GALNT12: variants seen among roughly 807,000 people sequenced by gnomAD.
GALNT12 encodes UDP-GalNAc:polypeptide N-acetylgalactosaminyltransferase 12.
GALNT12 carries 45 observed loss-of-function variants against 55.5 expected under a neutral mutation model. The ratio of observed to expected loss-of-function variants is 0.81; its 90% CI spans 0.64 to 1.04. The LOEUF (loss-of-function observed/expected upper bound fraction) is 1.04. GALNT12 is among the 50% of genes least tolerant of loss of function. GALNT12 has a pLI of 0.00. For missense variants in GALNT12, 709 were observed against 754.8 expected (o/e 0.94, Z 0.71); for synonymous variants, 304 against 312.2 (o/e 0.97, Z 0.28).
At chr9:98,814,815 G>A (rs1835575970) in intron 1 of GALNT12, among the ~76,000 whole-genome samples, 1 of 152,188 alleles carries the variant, frequency 6.6e-6, no homozygotes, top group Non-Finnish European at 1.5e-5. Context: ...TTGTTAGGAA[G>A]GCTACATGAA....
At chr9:98,826,730 G>A (rs921768155) in intron 2 of GALNT12, 22 bp from the exon 3 acceptor site, 1 of 1,607,516 alleles carries the variant, frequency 6.2e-7, no homozygotes. Flanking sequence ...GGTGACCCCT[G>A]TTGCTTTGTT....
chr9:98,849,425 G>A lies in GALNT12; in HGVS notation c.*333G>A. 1 of 527,226 alleles carries A rather than the reference G, an allele frequency of 1.9e-6. No individual in the cohort carries two copies. The highest frequency in any genetic ancestry group is 3.3e-6 in the Non-Finnish European group (1 of 302,486). The allele number at this position is 527,226 out of a possible 1,614,324, so 32.7% of individuals were successfully genotyped here. ...ACAGTCGTGCCTTTTACTCTCATTA[G>A]CAAAAAAGATAAAGATTTTATTTTG... On this transcript the variant is annotated 3_prime_UTR_variant, in exon 10 of 10. Coordinates refer to ENST00000375011, the MANE Select transcript of GALNT12 (RefSeq NM_024642.5).
chr9:98,838,018 G>T (rs114610005), intron 6 of GALNT12, among the ~76,000 whole-genome samples: 2,266 of 152,260 alleles, frequency 0.015, 48 homozygotes, highest in African/African-American at 0.053. Context: ...CATGTGTTTT[G>T]GTTTTCCTCT....
chr9:98,845,483 C>T (rs760249342), intron 8 of GALNT12, among the ~76,000 whole-genome samples: 13 of 152,118 alleles, frequency 8.5e-5, no homozygotes, highest in Non-Finnish European at 1.5e-4. Flanking sequence ...AAACCATTGT[C>T]CGGGAAGAAC....
chr9:98,816,064 C>G (rs1835603989), intron 1 of GALNT12, among the ~76,000 whole-genome samples: 1 of 152,110 alleles, frequency 6.6e-6, no homozygotes, highest in South Asian at 2.1e-4. Flanking sequence ...CCATGATTTC[C>G]TCATGCAGCC....
intron 6 of GALNT12, among the ~76,000 whole-genome samples, chr9:98,839,409 T>C (rs1836235017): frequency 6.6e-6 from 1 of 152,266 alleles, no homozygotes; most frequent in Non-Finnish European, 1.5e-5. Context: ...ACATTTGCGA[T>C]ACTAAATAGA....
rs1836511877 is a variant in GALNT12, at chr9:98,849,914, C to T, written c.*822C>T. On this transcript the variant is annotated 3_prime_UTR_variant, in exon 10 of 10. Transcript: ENST00000375011. ...ATGAAATTCCTTTTTCAAGTTTGTT[C>T]ATTAATAACAGTTATTAATTTAAAT... The T allele has an allele frequency of 4.0e-6, 1 of 250,262 alleles. No homozygotes were observed. The highest frequency in any genetic ancestry group is 5.5e-5 in the Admixed American group (1 of 18,198). The allele number at this position is 250,262 out of a possible 1,614,324, so 15.5% of individuals were successfully genotyped here. A position where few individuals can be genotyped will look rare whatever the true frequency, so the allele number is the denominator to read the frequency against.
chr9:98,836,928 CA>C, intron 5 of GALNT12, 43 bp from the exon 6 acceptor site: 1 of 1,600,308 alleles, frequency 6.2e-7, no homozygotes, highest in Non-Finnish European at 8.5e-7. Context: ...ACCCGCAGCT[CA>C]TCCCCTGCTC....
chr9:98,831,791 G>T lies in GALNT12; in HGVS notation c.751G>T (p.Ala251Ser). The change falls in exon 4 of 10, where the codon GCA (alanine) becomes TCA (serine). Residue 251 changes from alanine (A) to serine (S), a missense_variant. This residue lies in a region of GALNT12 where 315 missense variants were observed against 288.6 expected (regional missense o/e 1.09). Transcript: ENST00000375011. ...TTTCAGGATCCATGAAGAGGAGTCG[G>T]CAGTGGTGTGCCCGGTGATTGATGT... ...LLQRIHEEES[A>S]VVCPVIDVID... is the part of the protein sequence containing the mutation. 6.2e-7 allele frequency: 1 copy of T among 1,614,214 alleles called. No individual in the cohort carries two copies. The highest frequency in any genetic ancestry group is 2.2e-5 in the East Asian group (1 of 44,878).
At chr9:98,811,808 G>T (rs1284636490) in intron 1 of GALNT12, among the ~76,000 whole-genome samples, 4 of 150,048 alleles carry the variant, frequency 2.7e-5, no homozygotes, top group Non-Finnish European at 5.9e-5. Flanking sequence ...TCAGCCTCCC[G>T]AGTAGCTGGG....
rs144383361 is a variant in GALNT12, at chr9:98,827,031, C to T, written c.731+90C>T. The T allele has an allele frequency of 1.2e-3, 1,669 of 1,395,040 alleles. 12 individuals carry two copies. The African/African-American group carries it at 0.013, about 11-fold the overall frequency. 86.4% of individuals were successfully genotyped at this position (1,395,040 alleles called of 1,614,324 possible). On this transcript the variant is annotated intron_variant, in intron 3 of 9. Coordinates refer to ENST00000375011, the MANE Select transcript of GALNT12 (RefSeq NM_024642.5). Reference sequence around the variant, plus strand: ...ACTCATCACGTCACTTGAGGGTTAACGGGTTGCCTGGGCTCAGCTGCTTCT... The same window carrying T: ...ACTCATCACGTCACTTGAGGGTTAATGGGTTGCCTGGGCTCAGCTGCTTCT...
chr9:98,813,995 A>G (rs1231725812), intron 1 of GALNT12, among the ~76,000 whole-genome samples: 2 of 152,204 alleles, frequency 1.3e-5, no homozygotes, highest in Non-Finnish European at 2.9e-5. Flanking sequence ...AACTGCCTTA[A>G]ATATAAAAGA....
chr9:98,810,285 A>G (rs1398153810), intron 1 of GALNT12, among the ~76,000 whole-genome samples: 2 of 152,084 alleles, frequency 1.3e-5, no homozygotes, highest in Non-Finnish European at 2.9e-5. Flanking sequence ...GCCCTGAGGG[A>G]GGAGCATCTA....
intron 3 of GALNT12, 68 bp downstream of exon 3, chr9:98,827,009 C>T (rs984607784): frequency 1.1e-4 from 158 of 1,492,868 alleles, no homozygotes; most frequent in Non-Finnish European, 1.3e-4. Flanking sequence ...GGAACAGACT[C>T]ATCACGTCAC....
In GALNT12 at chr9:98,846,265, A is replaced by G. The variant is rs1264523589; in HGVS notation, c.1605+142A>G. On this transcript the variant is annotated intron_variant, in intron 9 of 9. Transcript: ENST00000375011. ...TGGACAGGAGCTCTGGAAGACCTGGAACCTCAGTCCCAGTGAGCCTGGGGG... is the reference window on the plus strand; with the variant it reads ...TGGACAGGAGCTCTGGAAGACCTGGGACCTCAGTCCCAGTGAGCCTGGGGG... 4 of 1,112,806 alleles carry G rather than the reference A, an allele frequency of 3.6e-6. No individual in the cohort carries two copies. In the East Asian group the frequency reaches 7.2e-5, roughly 20 times the overall value. 68.9% of individuals were successfully genotyped at this position (1,112,806 alleles called of 1,614,324 possible).
intron 5 of GALNT12, among the ~76,000 whole-genome samples, chr9:98,836,341 A>G (rs1034504403): frequency 2.0e-5 from 3 of 152,216 alleles, no homozygotes; most frequent in African/African-American, 7.2e-5. Context: ...TGCCCTCATA[A>G]AAACTGAATA....
At position 98,807,712 on chromosome 9, in the gene GALNT12, C is replaced by T. The variant is rs2118254771; in HGVS notation, c.14C>T (p.Thr5Met). The T allele has an allele frequency of 1.7e-6, 2 of 1,157,418 alleles. No homozygotes were observed. Among genetic ancestry groups the T allele is most frequent in the Non-Finnish European group, 1.1e-6 (1 of 941,292 alleles). 71.7% of individuals were successfully genotyped at this position (1,157,418 alleles called of 1,614,324 possible). A position where few individuals can be genotyped will look rare whatever the true frequency, so the allele number is the denominator to read the frequency against. MWGR[T>M]ARRRCPRELR... ...GTTGGCGGGCGCATGTGGGGGCGCA[C>T]GGCGCGGCGGCGCTGCCCGCGGGAA... Residue 5 changes from threonine to methionine, a missense_variant, in exon 1 of 10, where the codon ACG becomes ATG. Around this residue, in one of 5 missense-constraint regions of GALNT12, gnomAD observed 110 missense variants for 102.2 expected, o/e 1.08. Transcript: ENST00000375011.
At chr9:98,827,041 G>A in intron 3 of GALNT12, 100 bp downstream of exon 3, 1 of 1,245,922 alleles carries the variant, frequency 8.0e-7, no homozygotes, top group Non-Finnish European at 1.1e-6. Flanking sequence ...CGGGTTGCCT[G>A]GGCTCAGCTG....
At chr9:98,810,871 A>G (rs1387077213) in intron 1 of GALNT12, among the ~76,000 whole-genome samples, 1 of 152,154 alleles carries the variant, frequency 6.6e-6, no homozygotes, top group African/African-American at 2.4e-5. Flanking sequence ...GCATGGTAAC[A>G]TAGTAAGTAT....
Sources: gnomAD v4.1 joint callset for allele counts (sites outside exome capture counted in the v4.1 genomes callset) on GRCh38, gnomAD v4.1.1 for gene constraint, gnomAD v4.1.1 regional missense constraint, MANE v1.5 for transcripts, NCBI Gene and HGNC (gene_info 2026-07-23, HGNC 2026-07-21) for gene names.